The following CLCA4 variants were observed in gnomAD, a reference collection of about 807,000 sequenced individuals.
The protein encoded by CLCA4 is calcium-activated chloride channel regulator 4.
A neutral mutation model predicts 78.9 loss-of-function variants in CLCA4; 69 were observed. That is an observed-to-expected ratio of 0.87 (90% CI 0.72 to 1.07). CLCA4 has a LOEUF of 1.07. Ranked by LOEUF, CLCA4 falls within the 50% of genes least tolerant of loss-of-function variation. CLCA4 has a pLI of 0.00. For synonymous variants in CLCA4, 362 were observed against 375.8 expected, an observed-to-expected ratio of 0.96 and a Z score of 0.42; for missense variants, 1,133 against 1,095.8, an observed-to-expected ratio of 1.03 and a Z score of -0.48.
At chr1:86,553,031 C>A in intron 1 of CLCA4, 1 of 633,322 alleles carries the variant, frequency 1.6e-6, no homozygotes, top group Non-Finnish European at 2.8e-6. Context: ...CCCTCCTGCT[C>A]CCACGCCGCG....
intron 1 of CLCA4, among the ~76,000 whole-genome samples, chr1:86,549,675 G>C (rs781534592): frequency 6.6e-5 from 10 of 152,174 alleles, no homozygotes; most frequent in Non-Finnish European, 1.2e-4. Context: ...TAGGGGATAG[G>C]TGAGGGTAGG....
intron 7 of CLCA4, among the ~76,000 whole-genome samples, chr1:86,570,602 G>A (rs181486101): frequency 1.3e-5 from 2 of 152,106 alleles, no homozygotes; most frequent in African/African-American, 4.8e-5. Flanking sequence ...AGCATACTGA[G>A]GGTTTACTAA....
At position 86,560,314 on chromosome 1, in the gene CLCA4, C is replaced by T; in HGVS notation, c.404C>T (p.Pro135Leu). ...AAAGGCGAATACATTCACTTCACCC[C>T]TGACCTTCTACTTGGAAAAAAACAA... ...GEKGEYIHFT[P>L]DLLLGKKQNE... The change falls in exon 3 of 14, where the codon CCT (proline) becomes CTT (leucine). Residue 135 changes from proline (P) to leucine (L), a missense_variant. Physicochemically the swap from Pro to Leu is moderately conservative, Grantham distance 98 (BLOSUM62 -3). Transcript: ENST00000370563. The T allele has an allele frequency of 2.5e-6, 4 of 1,614,010 alleles. No individual in the cohort carries two copies. Among genetic ancestry groups the T allele is most frequent in the Non-Finnish European group, 3.4e-6 (4 of 1,179,928 alleles).
chr1:86,555,441 ATTGAT>A (rs1395376413), intron 1 of CLCA4, among the ~76,000 whole-genome samples: 1 of 152,202 alleles, frequency 6.6e-6, no homozygotes, highest in Non-Finnish European at 1.5e-5. Flanking sequence ...TCCCAGCACC[ATTGAT>A]TTAATAGGGA....
rs199643661 is a variant in CLCA4 at position 86,572,644 on chromosome 1, C to T, written c.1391C>T (p.Ala464Val). 1.3e-3 allele frequency: 2,086 copies of T among 1,607,354 alleles called. 12 individuals are homozygous for T. Among genetic ancestry groups the T allele is most frequent in the Non-Finnish European group, 1.5e-3 (1,819 of 1,174,416 alleles). The change falls in exon 9 of 14, where the codon GCT becomes GTT. Residue 464 changes from alanine (A) to valine (V), a missense_variant. Coordinates refer to ENST00000370563, the MANE Select transcript of CLCA4 (RefSeq NM_012128.4). ...GGSHFYVSDE[A>V]QNNGLIDAFG... The stretch of plus-strand genomic sequence containing the variant: ...AGTCATTTTTATGTTTCAGATGAAG[C>T]TCAGAACAATGGCCTCATTGATGCT...
At chr1:86,550,590 T>G (rs77028329) in intron 1 of CLCA4, among the ~76,000 whole-genome samples, 2 of 150,752 alleles carry the variant, frequency 1.3e-5, no homozygotes, top group Non-Finnish European at 3.0e-5. Context: ...AAGAAAAAAC[T>G]AGGGGTCCGA....
At position 86,567,503 on chromosome 1, in the gene CLCA4, G is replaced by T; in HGVS notation, c.1034G>T (p.Gly345Val). Residue 345 changes from glycine (G) to valine (V), a missense_variant, in exon 7 of 14, where the codon GGG becomes GTG. Physicochemically the swap from Gly to Val is moderately radical, Grantham distance 109. Coordinates refer to ENST00000370563, the MANE Select transcript of CLCA4 (RefSeq NM_012128.4). ...ACTGTTGAAAATGGATCCTGGGTGG[G>T]GATGGTTCACTTTGATAGTACTGCC... is the stretch of plus-strand genomic sequence containing the variant. ...LQTVENGSWV[G>V]MVHFDSTATI... The T allele has an allele frequency of 6.2e-7, 1 of 1,613,126 alleles. No homozygotes were observed. The highest frequency in any genetic ancestry group is 8.5e-7 in the Non-Finnish European group (1 of 1,179,366).
chr1:86,579,294 CTG>C, intron 12 of CLCA4, 58 bp from the exon 13 acceptor site: 1 of 1,242,722 alleles, frequency 8.0e-7, no homozygotes, highest in East Asian at 2.4e-5. Flanking sequence ...AGGTGATTCA[CTG>C]AATTATAATA....
At chr1:86,559,139 G>A (rs1312967939) in intron 1 of CLCA4, among the ~76,000 whole-genome samples, 3 of 152,084 alleles carry the variant, frequency 2.0e-5, no homozygotes. Context: ...GCTGAAATAT[G>A]TTTTCCAAGT....
chr1:86,563,594 T>C (rs1650086783), intron 3 of CLCA4, 67 bp from the exon 4 acceptor site: 1 of 735,434 alleles, frequency 1.4e-6, no homozygotes, highest in African/African-American at 1.8e-5. Context: ...AAAGAGAAGC[T>C]TCTTAAAATA....
At chr1:86,563,134 A>T (rs937627966) in intron 3 of CLCA4, among the ~76,000 whole-genome samples, 19 of 152,008 alleles carry the variant, frequency 1.2e-4, no homozygotes, top group African/African-American at 4.1e-4. Flanking sequence ...AATTCTTATT[A>T]AAAAAATTTT....
chr1:86,564,201 C>T (rs1476360299), intron 4 of CLCA4, among the ~76,000 whole-genome samples: 4 of 152,050 alleles, frequency 2.6e-5, no homozygotes, highest in Non-Finnish European at 4.4e-5. Context: ...TTTATAATGC[C>T]GTCTAGCATC....
intron 10 of CLCA4, among the ~76,000 whole-genome samples, chr1:86,575,023 G>GAGAGCTA (rs1650467138): frequency 6.6e-6 from 1 of 152,036 alleles, no homozygotes; most frequent in African/African-American, 2.4e-5. Context: ...TTGGTGGGTA[G>GAGAGCTA]AGAGCTACAG....
intron 7 of CLCA4, among the ~76,000 whole-genome samples, chr1:86,568,094 T>G (rs1042651390): frequency 1.7e-4 from 26 of 151,946 alleles, no homozygotes; most frequent in Admixed American, 4.6e-4. Context: ...TTAAAGCAGA[T>G]GTAGCAAGAC....
rs537405745 is a variant in CLCA4, at chr1:86,563,866, T to C, written c.557+97T>C. On this transcript the variant is annotated intron_variant, in intron 4 of 13. Transcript: ENST00000370563. ...CCAAAATCATTCTTAATGCAGACAATATGTCACAAAACAATGCTTTTATTT... is the reference window on the plus strand; with the variant it reads ...CCAAAATCATTCTTAATGCAGACAACATGTCACAAAACAATGCTTTTATTT... 5.0e-6 allele frequency: 3 copies of C among 597,714 alleles called. No homozygotes were observed. The South Asian group carries it at 8.2e-5, about 16-fold the overall frequency. The allele number at this position is 597,714 out of a possible 1,614,324, so 37.0% of individuals were successfully genotyped here. A position where few individuals can be genotyped will look rare whatever the true frequency, so the allele number is the denominator to read the frequency against.
intron 9 of CLCA4, 63 bp from the exon 10 acceptor site, chr1:86,574,477 T>A (rs527756820): frequency 7.3e-7 from 1 of 1,370,662 alleles, no homozygotes; most frequent in South Asian, 1.2e-5. Context: ...TTAAAAACCA[T>A]CTTGAAAAAA....
intron 11 of CLCA4, among the ~76,000 whole-genome samples, chr1:86,577,695 T>C (rs1650560258): frequency 6.6e-6 from 1 of 152,062 alleles, no homozygotes. Context: ...ATGTATGTTA[T>C]ATAGAAATAA....
intron 1 of CLCA4, among the ~76,000 whole-genome samples, chr1:86,556,153 G>A (rs893400213): frequency 5.9e-5 from 9 of 152,256 alleles, no homozygotes; most frequent in Non-Finnish European, 1.2e-4. Context: ...ATCAAAGAGG[G>A]ATAGTTTGAC....
chr1:86,579,530 G>A lies in CLCA4; in HGVS notation c.2299G>A (p.Glu767Lys), dbSNP rs754444016. 6.2e-7 allele frequency: 1 copy of A among 1,613,118 alleles called. No individual in the cohort carries two copies. Among genetic ancestry groups the A allele is most frequent in the Non-Finnish European group, 8.5e-7 (1 of 1,179,384 alleles). ...CACAGACCTTGATGCCACAGTTCAT[G>A]AGGATAAGATTATTCTTACATGGAC... ...QITDLDATVH[E>K]DKIILTWTAP... Residue 767 changes from glutamate to lysine, a missense_variant, in exon 13 of 14, where the codon GAG becomes AAG. Transcript: ENST00000370563.
Sources: allele counts gnomAD v4.1 joint callset (sites outside exome capture counted in the v4.1 genomes callset), GRCh38; gene constraint gnomAD v4.1.1; transcripts MANE v1.5; gene names NCBI Gene and HGNC (gene_info 2026-07-23, HGNC 2026-07-21).